The following GBP1 variants were observed in gnomAD, a reference collection of about 807,000 sequenced individuals.
The protein encoded by GBP1 is guanylate-binding protein 1.
GBP1 carries 64 observed loss-of-function variants against 69.5 expected under a neutral mutation model. The observed-to-expected ratio is 0.92, with a 90% CI of 0.75 to 1.13. GBP1 has a LOEUF of 1.13. Among genes scored for constraint, GBP1 ranks in the 50% most tolerant of loss-of-function variants. GBP1 has a pLI of 0.00. For synonymous variants in GBP1, 250 were observed against 261.2 expected, an observed-to-expected ratio of 0.96 and a Z score of 0.41; for missense variants, 630 against 704.1, an observed-to-expected ratio of 0.89 and a Z score of 1.19.
At chr1:89,063,791 G>A (rs1256032596) in intron 1 of GBP1, among the ~76,000 whole-genome samples, 1 of 152,108 alleles carries the variant, frequency 6.6e-6, no homozygotes, top group African/African-American at 2.4e-5. Flanking sequence ...TTCTCACATT[G>A]CCATTCTGGA....
intron 5 of GBP1, 61 bp downstream of exon 5, chr1:89,058,780 T>A: frequency 6.3e-7 from 1 of 1,580,940 alleles, no homozygotes; most frequent in Non-Finnish European, 8.7e-7. Flanking sequence ...AATAGTAAAC[T>A]GAAAAATGAT....
chr1:89,059,071 A>G, intron 4 of GBP1, 28 bp from the exon 5 acceptor site: 1 of 1,613,832 alleles, frequency 6.2e-7, no homozygotes, highest in South Asian at 1.1e-5. Flanking sequence ...GAAATGTGAC[A>G]AAATGAACAG....
intron 8 of GBP1, chr1:89,055,424 T>A (rs765479234): frequency 1.6e-6 from 1 of 610,436 alleles, no homozygotes; most frequent in Non-Finnish European, 2.8e-6. Context: ...AGTAGGCTAA[T>A]ATAGATACTG....
At position 89,063,091 on chromosome 1, in the gene GBP1, G is replaced by T. The variant is rs1680242238; in HGVS notation, c.144C>A (p.Arg48=). The change falls in exon 2 of 11, where the codon CGC becomes CGA. Residue 48 remains arginine (R), a synonymous_variant. Transcript: ENST00000370473. ...TGTTCATCAGGTAGGATTTGCCTGT[G>T]CGGTAGAGGCCCACAATTGCCACCA... ...MVVVAIVGLY[R]TGKSYLMNKL... 1.2e-6 allele frequency: 2 copies of T among 1,613,898 alleles called. No homozygotes were observed. Among genetic ancestry groups the T allele is most frequent in the Non-Finnish European group, 8.5e-7 (1 of 1,179,968 alleles).
chr1:89,061,210 A>T (rs1680187795), intron 2 of GBP1, among the ~76,000 whole-genome samples: 1 of 152,310 alleles, frequency 6.6e-6, no homozygotes, highest in African/African-American at 2.4e-5. Context: ...AAATTTCCAG[A>T]GATCCCCTAA....
intron 10 of GBP1, among the ~76,000 whole-genome samples, chr1:89,053,801 T>A (rs1679978207): frequency 6.6e-6 from 1 of 152,108 alleles, no homozygotes; most frequent in African/African-American, 2.4e-5. Context: ...CCATACTGAG[T>A]TTCTGCACAT....
intron 2 of GBP1, 56 bp downstream of exon 2, chr1:89,062,989 G>T: frequency 1.3e-6 from 2 of 1,593,154 alleles, no homozygotes; most frequent in Non-Finnish European, 1.7e-6. Flanking sequence ...CATAATGGAG[G>T]CTGACTGTGT....
In GBP1 at chr1:89,060,295, G is replaced by A. The variant is rs1680148413; in HGVS notation, c.220C>T (p.His74Tyr). 1 of 1,601,574 alleles carries A rather than the reference G, an allele frequency of 6.2e-7. No individual in the cohort carries two copies. Among genetic ancestry groups the A allele is most frequent in the Non-Finnish European group, 8.5e-7 (1 of 1,174,686 alleles). Residue 74 changes from histidine (H) to tyrosine (Y), a missense_variant, in exon 3 of 11, where the codon CAC becomes TAC. Transcript: ENST00000370473. ...GFSLGSTVQS[H>Y]TKGIWMWCVP... ...CACCACATCCAGATTCCTTTAGTGT[G>A]AGACTGCACCGTGGAGCCCAGAGAG... is the stretch of plus-strand genomic sequence containing the variant.
In GBP1 at chr1:89,060,331, G is replaced by A; in HGVS notation, c.191-7C>T. 2 of 1,557,336 alleles carry A rather than the reference G, an allele frequency of 1.3e-6. No individual in the cohort carries two copies. Among genetic ancestry groups the A allele is most frequent in the Non-Finnish European group, 1.7e-6 (2 of 1,154,168 alleles). ...GTGGAGCCCAGAGAGAAGCCTGCAA[G>A]GGAGAGAGGAGACCAGCGATGGGGA... On this transcript the variant is annotated splice_polypyrimidine_tract_variant and splice_region_variant and intron_variant, in intron 2 of 10. Coordinates refer to ENST00000370473, the MANE Select transcript of GBP1 (RefSeq NM_002053.3).
chr1:89,057,031 A>T lies in GBP1; in HGVS notation c.978T>A (p.Ala326=), dbSNP rs545273025. 88 of 1,614,254 alleles carry T rather than the reference A, an allele frequency of 5.5e-5. No homozygotes were observed. The South Asian group carries it at 7.6e-4, about 14-fold the overall frequency. The change falls in exon 7 of 11, where the codon GCT becomes GCA. Residue 326 remains alanine, a synonymous_variant. Transcript: ENST00000370473. ...VLALAQIENS[A]AVQKAIAHYE... ...AGTGGGCAATAGCCTTTTGCACTGC[A>T]GCTGAGTTCTCTATCTGGGCCAAGG...
Position 89,053,370 on chromosome 1 carries a change from T to G in GBP1, c.1764A>C (p.Ala588=), listed in dbSNP as rs756539547. Residue 588 remains alanine, a synonymous_variant, in exon 11 of 11, where the codon GCA becomes GCC. Transcript: ENST00000370473. ...DLQTKMRRRK[A]CTIS is the part of the protein sequence containing the mutation. Reference sequence around the variant, plus strand: ...GCTCTGGTCTTTAGCTTATGGTACATGCCTTTCGTCGTCTCATTTTCGTCT... The same window carrying G: ...GCTCTGGTCTTTAGCTTATGGTACAGGCCTTTCGTCGTCTCATTTTCGTCT... 2.0e-5 allele frequency: 32 copies of G among 1,613,292 alleles called. No individual in the cohort carries two copies. The East Asian group carries it at 6.7e-4, about 34-fold the overall frequency.
Position 89,053,182 on chromosome 1 carries a change from CTT to C in GBP1, c.*171_*172del, listed in dbSNP as rs369775165. On this transcript the variant is annotated 3_prime_UTR_variant, in exon 11 of 11. Coordinates refer to ENST00000370473, the MANE Select transcript of GBP1 (RefSeq NM_002053.3). Reference sequence around the variant, plus strand: ...GCATCTTTGTTGCACAATTTACAGTCTTTTTTTTTTTTTAAGAAAAAACATGA... The same window carrying C: ...GCATCTTTGTTGCACAATTTACAGTCTTTTTTTTTTTAAGAAAAAACATGA... 3.1e-3 allele frequency: 1,295 copies of C among 419,606 alleles called. No homozygotes were observed. The highest frequency in any genetic ancestry group is 4.5e-3 in the Middle Eastern group (7 of 1,568). 26.0% of individuals were successfully genotyped at this position (419,606 alleles called of 1,614,324 possible).
rs1339653777 is a variant in GBP1, at chr1:89,062,916, C to T, written c.190+129G>A. On this transcript the variant is annotated intron_variant, in intron 2 of 10. Transcript: ENST00000370473. ...CTAGAACAGCGTGAAGATAAGGAGC[C>T]CGACTGTGAATGGAAAGTTAGCTTT... The T allele has an allele frequency of 2.0e-5, 22 of 1,111,006 alleles. No homozygotes were observed. In the East Asian group the frequency reaches 5.5e-4, roughly 28 times the overall value. The allele number at this position is 1,111,006 out of a possible 1,614,324, so 68.8% of individuals were successfully genotyped here. A position where few individuals can be genotyped will look rare whatever the true frequency, so the allele number is the denominator to read the frequency against.
chr1:89,055,937 G>A, intron 8 of GBP1, 79 bp downstream of exon 8: 1 of 1,520,496 alleles, frequency 6.6e-7, no homozygotes, highest in Non-Finnish European at 9.1e-7. Flanking sequence ...ACATCTGTAT[G>A]CAGTGAAGCT....
chr1:89,055,781 T>C lies in GBP1; in HGVS notation c.1368+235A>G, dbSNP rs552849626. 511 of 592,582 alleles carry C rather than the reference T, an allele frequency of 8.6e-4. 7 individuals carry two copies. The South Asian group carries it at 9.8e-3, about 11-fold the overall frequency. 36.7% of individuals were successfully genotyped at this position (592,582 alleles called of 1,614,324 possible). On this transcript the variant is annotated intron_variant, in intron 8 of 10. Coordinates refer to ENST00000370473, the MANE Select transcript of GBP1 (RefSeq NM_002053.3). ...CAGCTGTAATGATGACAATAATAAC[T>C]TTGTGCTTCATCTGCTAATTGAATT...
chr1:89,055,356 G>T (rs564212177), intron 8 of GBP1, 141 bp from the exon 9 acceptor site: 178 of 1,412,806 alleles, frequency 1.3e-4, no homozygotes, highest in Non-Finnish European at 1.6e-4. Flanking sequence ...CCCTGTCGGA[G>T]CGACAGACAC....
chr1:89,063,901 TC>T (rs1279532697), intron 1 of GBP1, among the ~76,000 whole-genome samples: 1 of 152,108 alleles, frequency 6.6e-6, no homozygotes, highest in African/African-American at 2.4e-5. Context: ...AAGGGTCATG[TC>T]CAAGAGAAGG....
At position 89,064,469 on chromosome 1, in the gene GBP1, G is replaced by C. The variant is rs116265173; in HGVS notation, c.-20+691C>G. Among the ~76,000 whole-genome samples, 991 of 152,246 alleles carry C rather than the reference G, an allele frequency of 6.5e-3. 16 individuals carry two copies. Among genetic ancestry groups the C allele is most frequent in the African/African-American group, 0.023 (950 of 41,530 alleles). ...TTGGCCCTGCTCTCTACTAAAAGAAGACAAAATTGGAAGCACTTCAGTGAA... is the reference window on the plus strand; with the variant it reads ...TTGGCCCTGCTCTCTACTAAAAGAACACAAAATTGGAAGCACTTCAGTGAA... On this transcript the variant is annotated intron_variant, in intron 1 of 10. Transcript: ENST00000370473.
rs368235691 is a variant in GBP1, at chr1:89,054,418, T to C, written c.1665+264A>G. ...CCCCACCGAGATACAGATATTTTAATGATGCCTAGCAGATAATAGCTTCCT... is the reference window on the plus strand; with the variant it reads ...CCCCACCGAGATACAGATATTTTAACGATGCCTAGCAGATAATAGCTTCCT... On this transcript the variant is annotated intron_variant, in intron 10 of 10. Transcript: ENST00000370473. Among the ~76,000 whole-genome samples the C allele has an allele frequency of 3.6e-4, 55 of 152,246 alleles. 6 individuals are homozygous for C. The highest frequency in any genetic ancestry group is 9.1e-4 in the Admixed American group (14 of 15,302).
Sources: gnomAD v4.1 joint callset for allele counts (sites outside exome capture counted in the v4.1 genomes callset) on GRCh38, gnomAD v4.1.1 for gene constraint, MANE v1.5 for transcripts, NCBI Gene and HGNC (gene_info 2026-07-23, HGNC 2026-07-21) for gene names.